The following NYNRIN variants were observed in gnomAD, a reference collection of about 807,000 sequenced individuals.
NYNRIN encodes protein NYNRIN.
In NYNRIN, 86 loss-of-function variants were observed where a neutral mutation model predicts 146.6. The observed-to-expected ratio is 0.59, with a 90% confidence interval of 0.49 to 0.70. NYNRIN has a LOEUF of 0.70. Among genes scored for constraint, NYNRIN ranks in the 30% least tolerant of loss-of-function variants. The pLI, the probability that NYNRIN is intolerant of heterozygous loss-of-function variation, is 0.00. For missense variants in NYNRIN, 2,191 were observed against 2,377.7 expected (o/e 0.92, Z 1.63); for synonymous variants, 1,027 against 1,001.3 (o/e 1.03, Z -0.48).
intron 2 of NYNRIN, among the ~76,000 whole-genome samples, chr14:24,403,921 C>T (rs1228562189): frequency 1.3e-5 from 2 of 152,174 alleles, no homozygotes; most frequent in South Asian, 2.1e-4. Flanking sequence ...GGGTTGTGCT[C>T]CATTTGGAGG....
rs1265443168 is a variant in NYNRIN at position 24,411,702 on chromosome 14, T to C, written c.2642+252T>C. On this transcript the variant is annotated intron_variant, in intron 6 of 8. Coordinates refer to ENST00000382554, the MANE Select transcript of NYNRIN (RefSeq NM_025081.3). This position sits in a 1 kb window ranked among gnomAD's most constrained non-coding sequence, Gnocchi z 4.3. Reference sequence around the variant, plus strand: ...TTGGGACTCTGGAGTCCGTCTGCCTTAGCTAACAGGCATTCTTCCCCCATG... The same window carrying C: ...TTGGGACTCTGGAGTCCGTCTGCCTCAGCTAACAGGCATTCTTCCCCCATG... 6.6e-6 allele frequency among the ~76,000 whole-genome samples: 1 copy of C among 152,154 alleles called. No homozygotes were observed. The highest frequency in any genetic ancestry group is 1.5e-5 in the Non-Finnish European group (1 of 68,020).
intron 2 of NYNRIN, among the ~76,000 whole-genome samples, chr14:24,401,198 G>T (rs764085361): frequency 6.6e-6 from 1 of 152,094 alleles, no homozygotes; most frequent in Non-Finnish European, 1.5e-5. Context: ...AGGGTTCTTC[G>T]GACCGCAGAT....
chr14:24,401,176 C>T (rs1340786122), intron 2 of NYNRIN, among the ~76,000 whole-genome samples: 1 of 152,238 alleles, frequency 6.6e-6, no homozygotes, highest in Admixed American at 6.5e-5. Flanking sequence ...CTCCGTCTCC[C>T]TCTGCTGCTT....
At chr14:24,400,349 C>A (rs1410732552) in intron 2 of NYNRIN, among the ~76,000 whole-genome samples, 1 of 152,338 alleles carries the variant, frequency 6.6e-6, no homozygotes, top group Admixed American at 6.5e-5. Flanking sequence ...TTACCTCTTC[C>A]CTTAGATTCC....
chr14:24,404,876 A>ATG (rs1162367611), intron 2 of NYNRIN, among the ~76,000 whole-genome samples: 3 of 151,906 alleles, frequency 2.0e-5, no homozygotes, highest in Non-Finnish European at 4.4e-5. Flanking sequence ...CACTCCCTCC[A>ATG]TGTTTTTTTG....
chr14:24,417,381 A>G lies in NYNRIN; in HGVS notation c.5632A>G (p.Ser1878Gly). 1.3e-6 allele frequency: 2 copies of G among 1,582,976 alleles called. No individual in the cohort carries two copies. The highest frequency in any genetic ancestry group is 2.3e-5 in the South Asian group (2 of 87,704). ...AGAGAAGCTGGGGTGCATCTATCCC[A>G]GCAGTCTGATGAAGGCCTTTGCCAA... ...TPEKLGCIYP[S>G]SLMKAFAKSG... Residue 1878 changes from serine to glycine, a missense_variant, in exon 9 of 9, where the codon AGC becomes GGC. Ser to Gly is a moderately conservative substitution (Grantham distance 56). This residue lies in a region of NYNRIN where 1,291 missense variants were observed against 1,417.0 expected (regional missense o/e 0.91). Coordinates refer to ENST00000382554, the MANE Select transcript of NYNRIN (RefSeq NM_025081.3).
intron 2 of NYNRIN, among the ~76,000 whole-genome samples, chr14:24,400,632 A>T (rs979262462): frequency 1.3e-5 from 2 of 152,122 alleles, no homozygotes; most frequent in Non-Finnish European, 2.9e-5. Flanking sequence ...TTCCCAAAGA[A>T]CATATGTACT....
rs372056995 is a variant in NYNRIN, at chr14:24,408,297, C to T, written c.627C>T (p.Phe209=). The T allele has an allele frequency of 8.2e-5, 132 of 1,612,936 alleles. 1 individual carries two copies. The highest frequency in any genetic ancestry group is 1.0e-4 in the Non-Finnish European group (120 of 1,179,886). ...ACATCATCGAGTGGCTCAGCCGCTT[C>T]GGCATCTCTGACTCCCACTCCGATC... ...KEDIIEWLSR[F]GISDSHSDPE... The change falls in exon 3 of 9, where the codon TTC becomes TTT. Residue 209 remains phenylalanine (F), a synonymous_variant. Transcript: ENST00000382554.
intron 2 of NYNRIN, among the ~76,000 whole-genome samples, chr14:24,407,055 G>C (rs570110258): frequency 8.7e-4 from 132 of 152,350 alleles, no homozygotes; most frequent in African/African-American, 3.1e-3. Context: ...CTGGGCAACA[G>C]AGTTACTATG....
Position 24,414,903 on chromosome 14 carries a change from C to T in NYNRIN, c.3154C>T (p.Leu1052=). Residue 1052 remains leucine (L), a synonymous_variant, in exon 9 of 9, where the codon CTG becomes TTG. Transcript: ENST00000382554. ...CCTCCATGATCCCCCTGATGGGGCC[C>T]TGGACATCGACCTCCTGCCAGGGGC... ...LSLHDPPDGA[L]DIDLLPGAAS... is the part of the protein sequence containing the mutation. The T allele has an allele frequency of 1.2e-6, 2 of 1,606,064 alleles. No homozygotes were observed. Among genetic ancestry groups the T allele is most frequent in the African/African-American group, 2.7e-5 (2 of 74,872 alleles).
Position 24,408,222 on chromosome 14 carries a change from G to A in NYNRIN, c.552G>A (p.Ala184=), listed in dbSNP as rs765229779. ...HAGDLLQLPP[A]VQELLLSLVR... ...GGGACCTACTGCAGCTGCCCCCAGCGGTCCAGGAGCTGCTGCTGAGCCTGG... is the reference window on the plus strand; with the variant it reads ...GGGACCTACTGCAGCTGCCCCCAGCAGTCCAGGAGCTGCTGCTGAGCCTGG... Residue 184 remains alanine (A), a synonymous_variant, in exon 3 of 9, where the codon GCG becomes GCA. Coordinates refer to ENST00000382554, the MANE Select transcript of NYNRIN (RefSeq NM_025081.3). The A allele has an allele frequency of 4.4e-6, 7 of 1,605,092 alleles. No homozygotes were observed. Among genetic ancestry groups the A allele is most frequent in the African/African-American group, 1.3e-5 (1 of 74,824 alleles).
chr14:24,415,370 C>T lies in NYNRIN; in HGVS notation c.3621C>T (p.Asp1207=), dbSNP rs746486708. 1.5e-5 allele frequency: 25 copies of T among 1,613,886 alleles called. No individual in the cohort carries two copies. In the African/African-American group the frequency reaches 3.2e-4, roughly 21 times the overall value. The change falls in exon 9 of 9, where the codon GAC becomes GAT. Residue 1207 remains aspartate, a synonymous_variant. Coordinates refer to ENST00000382554, the MANE Select transcript of NYNRIN (RefSeq NM_025081.3). The part of the protein sequence containing the change: ...EESQGPQSGG[D]SPYAVAWALK... Reference sequence around the variant, plus strand: ...GCCAGGGCCCCCAGTCAGGGGGTGACAGCCCCTATGCTGTGGCCTGGGCCC... The same window carrying T: ...GCCAGGGCCCCCAGTCAGGGGGTGATAGCCCCTATGCTGTGGCCTGGGCCC...
intron 3 of NYNRIN, 48 bp from the exon 4 acceptor site, chr14:24,408,604 G>T: frequency 6.5e-7 from 1 of 1,543,488 alleles, no homozygotes; most frequent in South Asian, 1.3e-5. Context: ...TAATAGTTTG[G>T]GACCAAACTG....
At chr14:24,413,506 T>C in intron 8 of NYNRIN, 89 bp downstream of exon 8, 1 of 797,614 alleles carries the variant, frequency 1.3e-6, no homozygotes, top group East Asian at 2.7e-5. Flanking sequence ...TAGTGCGTAA[T>C]AATGATCAGA....
chr14:24,408,144 G>A lies in NYNRIN; in HGVS notation c.474G>A (p.Glu158=). The A allele has an allele frequency of 6.2e-7, 1 of 1,606,310 alleles. No individual in the cohort carries two copies. ...CCCCCCGGGGGATCTGGGAGGCTGA[G>A]GTGACCCGGGCCTTTGGGGCCCTGG... ...LLTPRGIWEA[E]VTRAFGALVW... The change falls in exon 3 of 9, where the codon GAG becomes GAA. Residue 158 remains glutamate, a synonymous_variant. Coordinates refer to ENST00000382554, the MANE Select transcript of NYNRIN (RefSeq NM_025081.3).
At chr14:24,413,733 A>G (rs1218474983) in intron 8 of NYNRIN, among the ~76,000 whole-genome samples, 1 of 152,220 alleles carries the variant, frequency 6.6e-6, no homozygotes, top group East Asian at 1.9e-4. Flanking sequence ...TAATGGTCAT[A>G]TAGTGTTCCA....
chr14:24,409,418 G>GA lies in NYNRIN; in HGVS notation c.1627dup (p.Thr543AsnfsTer14), dbSNP rs767765304. ...AGTACCTGGAGCTCAAACAGTGCCT[G>GA]AAACTCTCAAAGTGCCCATGGCTGC... On this transcript the variant is annotated frameshift_variant, in exon 4 of 9. Coordinates refer to ENST00000382554, the MANE Select transcript of NYNRIN (RefSeq NM_025081.3). LOFTEE classifies it high-confidence loss of function. The GA allele has an allele frequency of 6.2e-7, 1 of 1,614,046 alleles. No individual in the cohort carries two copies. Among genetic ancestry groups the GA allele is most frequent in the African/African-American group, 1.3e-5 (1 of 75,080 alleles).
rs778480620 is a variant in NYNRIN at position 24,408,277 on chromosome 14, A to T, written c.607A>T (p.Ile203Phe). The change falls in exon 3 of 9, where the codon ATC becomes TTC. Residue 203 changes from isoleucine (I) to phenylalanine (F), a missense_variant. By Grantham distance (21) the Ile-to-Phe change is conservative. Around this residue, in one of 3 missense-constraint regions of NYNRIN, gnomAD observed 895 missense variants for 941.2 expected, o/e 0.95. Coordinates refer to ENST00000382554, the MANE Select transcript of NYNRIN (RefSeq NM_025081.3). ...VRDAAGKEDI[I>F]EWLSRFGISD... ...GGATGCTGCGGGCAAGGAAGACATC[A>T]TCGAGTGGCTCAGCCGCTTCGGCAT... The T allele has an allele frequency of 6.2e-7, 1 of 1,611,746 alleles. No homozygotes were observed. Among genetic ancestry groups the T allele is most frequent in the Admixed American group, 1.7e-5 (1 of 60,004 alleles).
chr14:24,409,666 TC>T lies in NYNRIN; in HGVS notation c.1876del (p.Gln626ArgfsTer7). ...AQVEPTTPKT[P>X]QAQKMPVAKT... Reference sequence around the variant, plus strand: ...AAGTGGAACCCACAACTCCAAAAACTCCCCAGGCTCAGAAGATGCCTGTAGC... The same window carrying T: ...AAGTGGAACCCACAACTCCAAAAACTCCCAGGCTCAGAAGATGCCTGTAGC... On this transcript the variant is annotated frameshift_variant, in exon 4 of 9. Transcript: ENST00000382554. LOFTEE classifies it high-confidence loss of function. 1 of 1,606,742 alleles carries T rather than the reference TC, an allele frequency of 6.2e-7. No homozygotes were observed. Among genetic ancestry groups the T allele is most frequent in the South Asian group, 1.1e-5 (1 of 89,678 alleles).
Sources: allele counts gnomAD v4.1 joint callset (sites outside exome capture counted in the v4.1 genomes callset), GRCh38; gene constraint gnomAD v4.1.1; regional missense constraint gnomAD v4.1.1; non-coding constraint Gnocchi (gnomAD v3.1); transcripts MANE v1.5; gene names NCBI Gene and HGNC (gene_info 2026-07-23, HGNC 2026-07-21).